The following PRKN variants were observed in gnomAD, a reference collection of about 807,000 sequenced individuals.
PRKN encodes the protein parkin RBR E3 ubiquitin protein ligase, also known as E3 ubiquitin-protein ligase parkin.
PRKN carries 56 observed loss-of-function variants against 59.5 expected under a neutral mutation model. That is an observed-to-expected ratio of 0.94 (90% CI 0.76 to 1.18). The LOEUF is 1.18. PRKN is among the 50% of genes most tolerant of loss of function. The pLI is 0.00. For synonymous variants in PRKN, 250 were observed against 222.1 expected, an observed-to-expected ratio of 1.13 and a Z score of -1.12; for missense variants, 657 against 596.4, an observed-to-expected ratio of 1.10 and a Z score of -1.06.
At position 161,355,602 on chromosome 6, in the gene PRKN, C is replaced by T. The variant is rs1026276607; in HGVS notation, c.1285+4486G>A. Among the ~76,000 whole-genome samples the T allele has an allele frequency of 5.3e-5, 8 of 152,000 alleles. No individual in the cohort carries two copies. The highest frequency in any genetic ancestry group is 1.7e-4 in the African/African-American group (7 of 41,354). On this transcript the variant is annotated intron_variant, in intron 11 of 11. Coordinates refer to ENST00000366898, the MANE Select transcript of PRKN (RefSeq NM_004562.3). This position sits in a 1 kb window ranked among gnomAD's most constrained non-coding sequence, Gnocchi z 6.8. ...TGTATTTTTACTAGAGACAGGGTTT[C>T]ACCATGTTAGTCAGGCTGGTCCTGA...
intron 1 of PRKN, among the ~76,000 whole-genome samples, chr6:162,475,429 A>G (rs1425537218): frequency 1.3e-5 from 2 of 152,184 alleles, no homozygotes; most frequent in Non-Finnish European, 2.9e-5. Context: ...AGAGAAAAGA[A>G]AGAGAAACTT....
At chr6:162,399,860 A>T (rs1303378716) in intron 2 of PRKN, among the ~76,000 whole-genome samples, 1 of 152,160 alleles carries the variant, frequency 6.6e-6, no homozygotes, top group Admixed American at 6.5e-5. Context: ...AAGGAAAAAG[A>T]TAGAAAAAAG....
chr6:162,658,549 T>C (rs538026099), intron 1 of PRKN, among the ~76,000 whole-genome samples: 157 of 150,312 alleles, frequency 1.0e-3, no homozygotes, highest in African/African-American at 3.7e-3. Context: ...TAATCCCAGC[T>C]ACTAGGGAGG....
intron 9 of PRKN, among the ~76,000 whole-genome samples, chr6:161,479,624 G>A (rs1434351298): frequency 1.3e-5 from 2 of 152,218 alleles, no homozygotes; most frequent in African/African-American, 2.4e-5. Flanking sequence ...CGGGGAAGAC[G>A]ACAGTCAAGG....
intron 7 of PRKN, among the ~76,000 whole-genome samples, chr6:161,768,674 T>C (rs1441187025): frequency 6.6e-6 from 1 of 152,156 alleles, no homozygotes; most frequent in African/African-American, 2.4e-5. Context: ...TTAGTGTAGC[T>C]CCCAATTCCA....
At chr6:162,629,750 C>G (rs760134244) in intron 1 of PRKN, among the ~76,000 whole-genome samples, 1 of 151,974 alleles carries the variant, frequency 6.6e-6, no homozygotes, top group Non-Finnish European at 1.5e-5. Flanking sequence ...TTCATATAAG[C>G]CATATCTAAT....
At chr6:162,470,331 C>T (rs1791666845) in intron 1 of PRKN, among the ~76,000 whole-genome samples, 1 of 152,190 alleles carries the variant, frequency 6.6e-6, no homozygotes, top group African/African-American at 2.4e-5. Context: ...GTGGACACAG[C>T]AGCTAACTTA....
intron 9 of PRKN, among the ~76,000 whole-genome samples, chr6:161,509,812 A>G (rs564446634): frequency 1.5e-4 from 22 of 144,748 alleles, no homozygotes; most frequent in Non-Finnish European, 2.5e-4. Context: ...CCCAGGAGGC[A>G]GAGGTTGCAG....
At chr6:162,015,632 C>G (rs1404363651) in intron 5 of PRKN, among the ~76,000 whole-genome samples, 1 of 152,180 alleles carries the variant, frequency 6.6e-6, no homozygotes, top group African/African-American at 2.4e-5. Context: ...ACTGCTCACC[C>G]TTCTACTCTC....
intron 8 of PRKN, among the ~76,000 whole-genome samples, chr6:161,568,652 A>G (rs1157187768): frequency 6.6e-6 from 1 of 152,090 alleles, no homozygotes; most frequent in East Asian, 1.9e-4. Flanking sequence ...CCTTTTGCCA[A>G]CTCTTTAGTG....
chr6:162,111,320 C>T (rs973357072), intron 4 of PRKN, among the ~76,000 whole-genome samples: 2 of 151,978 alleles, frequency 1.3e-5, no homozygotes, highest in African/African-American at 2.4e-5. Context: ...AAAAAATTAC[C>T]CGAGTGTTGT....
chr6:161,879,039 G>A (rs1372024801), intron 6 of PRKN, among the ~76,000 whole-genome samples: 1 of 152,064 alleles, frequency 6.6e-6, no homozygotes, highest in African/African-American at 2.4e-5. Context: ...GGAATTTAAA[G>A]TGCCGATTCC....
At position 161,369,792 on chromosome 6, in the gene PRKN, C is replaced by CAT. The variant is rs1350552858; in HGVS notation, c.1168-9589_1168-9588dup. On this transcript the variant is annotated intron_variant, in intron 10 of 11. Coordinates refer to ENST00000366898, the MANE Select transcript of PRKN (RefSeq NM_004562.3). The surrounding 1 kb of genome is among the most constrained non-coding windows in gnomAD (Gnocchi z 5.8). ...ATAATATACTTATATATAGATGTTT[C>CAT]ATATATATATTTCATATGATTATAG... 6.6e-6 allele frequency among the ~76,000 whole-genome samples: 1 copy of CAT among 151,332 alleles called. No homozygotes were observed. The highest frequency in any genetic ancestry group is 2.1e-4 in the South Asian group (1 of 4,788).
At chr6:161,994,901 CA>C (rs1781783105) in intron 5 of PRKN, among the ~76,000 whole-genome samples, 1 of 149,640 alleles carries the variant, frequency 6.7e-6, no homozygotes, top group South Asian at 2.1e-4. Context: ...ATCAAAATAA[CA>C]ATATCATTCT....
At chr6:162,280,803 A>G (rs1780858882) in intron 2 of PRKN, among the ~76,000 whole-genome samples, 1 of 150,498 alleles carries the variant, frequency 6.6e-6, no homozygotes, top group Non-Finnish European at 1.5e-5. Context: ...TCTCAAAAAA[A>G]AAAAAAAAAA....
chr6:162,244,812 T>C (rs555868170), intron 3 of PRKN, among the ~76,000 whole-genome samples: 5 of 152,192 alleles, frequency 3.3e-5, no homozygotes, highest in African/African-American at 7.2e-5. Context: ...ATATGGAATT[T>C]TGAATCAAAA....
chr6:162,063,362 C>T (rs1216641252), intron 4 of PRKN, among the ~76,000 whole-genome samples: 2 of 152,052 alleles, frequency 1.3e-5, no homozygotes, highest in South Asian at 2.1e-4. Flanking sequence ...TTATATAAAA[C>T]GATGGTCAAC....
chr6:162,362,449 C>A (rs958344947), intron 2 of PRKN, among the ~76,000 whole-genome samples: 8 of 151,772 alleles, frequency 5.3e-5, no homozygotes, highest in African/African-American at 1.7e-4. Flanking sequence ...TGGGAGGTGG[C>A]GGACACAAGT....
chr6:162,448,471 C>A (rs1404676510), intron 1 of PRKN, among the ~76,000 whole-genome samples: 12 of 152,192 alleles, frequency 7.9e-5, no homozygotes, highest in Non-Finnish European at 1.3e-4. Flanking sequence ...CTCTACACTT[C>A]AATCCTGTCA....
Sources: gnomAD v4.1 joint callset for allele counts (sites outside exome capture counted in the v4.1 genomes callset) on GRCh38, gnomAD v4.1.1 for gene constraint, Gnocchi (gnomAD v3.1) non-coding constraint, MANE v1.5 for transcripts, NCBI Gene and HGNC (gene_info 2026-07-23, HGNC 2026-07-21) for gene names.